Variants in HSH2D observed in about 807,000 individuals in gnomAD.
HSH2D encodes the protein hematopoietic SH2 domain-containing protein.
Under a neutral mutation model 21.5 loss-of-function variants are expected in HSH2D, and 16 were observed. That is an observed-to-expected ratio of 0.74 (90% confidence interval 0.50 to 1.13). The LOEUF (loss-of-function observed/expected upper bound fraction) is 1.13, where lower values mean the gene tolerates loss of function less well. Ranked by LOEUF, HSH2D falls within the 50% of genes most tolerant of loss-of-function variation. HSH2D has a pLI of 0.00. For synonymous variants in HSH2D, 172 were observed against 184.7 expected (o/e 0.93, Z 0.56); for missense variants, 418 against 441.4 (o/e 0.95, Z 0.47).
Position 16,157,878 on chromosome 19 carries a change from C to T in HSH2D, c.*84C>T. 4.9e-6 allele frequency: 5 copies of T among 1,017,444 alleles called. No individual in the cohort carries two copies. The South Asian group carries it at 8.3e-5, about 17-fold the overall frequency. The allele number at this position is 1,017,444 out of a possible 1,614,324, so 63.0% of individuals were successfully genotyped here. On this transcript the variant is annotated 3_prime_UTR_variant, in exon 6 of 6. Coordinates refer to ENST00000613986, the MANE Select transcript of HSH2D (RefSeq NM_001382417.1). The surrounding 1 kb of genome is among the most constrained non-coding windows in gnomAD (Gnocchi z 4.4). Reference sequence around the variant, plus strand: ...CCTTAACATTTCTTCCATGGCCCCACACCATGGCATCCGGGGGTCTTCGGG... The same window carrying T: ...CCTTAACATTTCTTCCATGGCCCCATACCATGGCATCCGGGGGTCTTCGGG...
At chr19:16,139,977 C>T (rs570247705), upstream of HSH2D, 1 of 152,250 alleles carries the variant, frequency 6.6e-6, no homozygotes, top group East Asian at 1.9e-4. Context: ...TGTGGGAGAC[C>T]ACATCACCCA....
At chr19:16,140,235 T>G (rs1022278428), upstream of HSH2D, among the ~76,000 whole-genome samples, 1 of 151,914 alleles carries the variant, frequency 6.6e-6, no homozygotes, top group African/African-American at 2.4e-5. Flanking sequence ...GCCAGGAGTT[T>G]GAGGCTGCAG....
chr19:16,141,299 G>T (rs55777622), upstream of HSH2D, among the ~76,000 whole-genome samples: 1,388 of 152,352 alleles, frequency 9.1e-3, 22 homozygotes, highest in African/African-American at 0.032. Flanking sequence ...GGGTGAGAGA[G>T]GCACCCAGGG....
intron 4 of HSH2D, 129 bp downstream of exon 4, chr19:16,153,337 C>T: frequency 2.2e-6 from 2 of 899,606 alleles, no homozygotes; most frequent in Admixed American, 6.2e-5. Flanking sequence ...CCCCTCCGGC[C>T]CCACCCCAGT....
chr19:16,138,219 C>G (rs761931471), intron 1 of HSH2D, among the ~76,000 whole-genome samples: 45 of 152,168 alleles, frequency 3.0e-4, no homozygotes, highest in Admixed American at 1.3e-4. Context: ...GCCTTTGTGT[C>G]TGGCTTCTCT....
intron 2 of HSH2D, among the ~76,000 whole-genome samples, chr19:16,150,088 TG>T (rs1281836260): frequency 1.3e-5 from 2 of 152,154 alleles, no homozygotes; most frequent in Non-Finnish European, 2.9e-5. Context: ...AGTTGCACAT[TG>T]CAATTTAAAA....
chr19:16,153,050 A>G lies in HSH2D; in HGVS notation c.223A>G (p.Ser75Gly). The G allele has an allele frequency of 6.2e-7, 1 of 1,610,068 alleles. No individual in the cohort carries two copies. Among genetic ancestry groups the G allele is most frequent in the Non-Finnish European group, 8.5e-7 (1 of 1,178,344 alleles). ...VGYTLSYKAQSSCCHFMVKLL... is the reference protein window; with the variant it reads ...VGYTLSYKAQGSCCHFMVKLL... The stretch of plus-strand genomic sequence containing the variant: ...CCCGCAGTGTCTCCGCAGAGCCCAA[A>G]GCAGCTGCTGCCATTTCATGGTGAA... Residue 75 changes from serine (S) to glycine (G), a missense_variant, in exon 4 of 6, where the codon AGC (serine) becomes GGC (glycine). Ser to Gly is a moderately conservative substitution (Grantham distance 56, BLOSUM62 0). Transcript: ENST00000613986.
At chr19:16,150,306 G>A (rs899783045) in intron 2 of HSH2D, among the ~76,000 whole-genome samples, 3 of 152,104 alleles carry the variant, frequency 2.0e-5, no homozygotes, top group East Asian at 1.9e-4. Context: ...TTGGGAGGCC[G>A]AGGCTGGCAG....
At position 16,157,953 on chromosome 19, in the gene HSH2D, C is replaced by T. The variant is rs1453848825; in HGVS notation, c.*159C>T. 1 of 584,982 alleles carries T rather than the reference C, an allele frequency of 1.7e-6. No homozygotes were observed. The allele number at this position is 584,982 out of a possible 1,614,324, so 36.2% of individuals were successfully genotyped here. A position where few individuals can be genotyped will look rare whatever the true frequency, so the allele number is the denominator to read the frequency against. On this transcript the variant is annotated 3_prime_UTR_variant, in exon 6 of 6. Transcript: ENST00000613986. This position sits in a 1 kb window ranked among gnomAD's most constrained non-coding sequence, Gnocchi z 4.4. Reference sequence around the variant, plus strand: ...TTTTTGGGGTCTGTTCCTGCACTCACCCATGGGGTGAGCTGGTTATTTTAG... The same window carrying T: ...TTTTTGGGGTCTGTTCCTGCACTCATCCATGGGGTGAGCTGGTTATTTTAG...
chr19:16,148,034 C>T (rs1226861005), intron 1 of HSH2D, among the ~76,000 whole-genome samples: 1 of 152,232 alleles, frequency 6.6e-6, no homozygotes, highest in Non-Finnish European at 1.5e-5. Flanking sequence ...CCACAGCTCA[C>T]TGCAGCCATA....
chr19:16,139,904 C>T (rs2090988772), upstream of HSH2D: 1 of 152,212 alleles, frequency 6.6e-6, no homozygotes, highest in Admixed American at 6.6e-5. Context: ...CGGGCCGAGG[C>T]CTGCGGACAC....
At chr19:16,154,523 A>T in intron 5 of HSH2D, 32 bp downstream of exon 5, 1 of 1,427,066 alleles carries the variant, frequency 7.0e-7, no homozygotes, top group Non-Finnish European at 9.6e-7. Flanking sequence ...GGCACCTCCC[A>T]CCTGGCTGAG....
In HSH2D at chr19:16,154,446, C is replaced by CGCAGTG. The variant is rs1400756128; in HGVS notation, c.432_437dup (p.Val145_Ala146dup). 1 of 1,552,658 alleles carries CGCAGTG rather than the reference C, an allele frequency of 6.4e-7. No individual in the cohort carries two copies. The highest frequency in any genetic ancestry group is 8.7e-7 in the Non-Finnish European group (1 of 1,147,802). The stretch of plus-strand genomic sequence containing the variant: ...ACGAGGATCTCTTCCTCTACTCCAA[C>CGCAGTG]GCAGTGGCCGAGGAAGCTGCCTGCC... On this transcript the variant is annotated inframe_insertion, in exon 5 of 6. Coordinates refer to ENST00000613986, the MANE Select transcript of HSH2D (RefSeq NM_001382417.1).
intron 1 of HSH2D, among the ~76,000 whole-genome samples, chr19:16,137,500 C>A (rs1025819074): frequency 3.3e-5 from 5 of 151,050 alleles, no homozygotes; most frequent in African/African-American, 1.2e-4. Flanking sequence ...TCACTTGAAC[C>A]AGGGAGGCGG....
intron 5 of HSH2D, chr19:16,154,718 G>A (rs768782103): frequency 4.4e-5 from 18 of 405,316 alleles, no homozygotes; most frequent in East Asian, 1.5e-4. Context: ...CTGCCATACC[G>A]TCTGTTGTTC....
chr19:16,148,826 C>T lies in HSH2D; in HGVS notation c.76C>T (p.Leu26=), dbSNP rs2091107935. 2 of 1,613,700 alleles carry T rather than the reference C, an allele frequency of 1.2e-6. No individual in the cohort carries two copies. The highest frequency in any genetic ancestry group is 2.2e-5 in the East Asian group (1 of 44,880). ...DWFVHTQMGQ[L]AQDGVPEWFH... ...GTTTGTGCACACCCAGATGGGCCAG[C>T]TGGCCCAAGACGGGGTCCCCGAGTG... Residue 26 remains leucine (L), a synonymous_variant, in exon 2 of 6, where the codon CTG becomes TTG. Coordinates refer to ENST00000613986, the MANE Select transcript of HSH2D (RefSeq NM_001382417.1).
intron 5 of HSH2D, among the ~76,000 whole-genome samples, chr19:16,156,439 C>T (rs1015206840): frequency 6.6e-6 from 1 of 152,086 alleles, no homozygotes; most frequent in Non-Finnish European, 1.5e-5. Context: ...CTGCCTCAGC[C>T]TTCCAAAGCA....
intron 1 of HSH2D, among the ~76,000 whole-genome samples, chr19:16,135,913 T>C (rs968852717): frequency 4.6e-5 from 7 of 152,188 alleles, no homozygotes; most frequent in African/African-American, 1.7e-4. Flanking sequence ...GACACGCAAA[T>C]GGCCTCTAGG....
At chr19:16,137,094 G>A (rs2090969005) in intron 1 of HSH2D, among the ~76,000 whole-genome samples, 1 of 152,132 alleles carries the variant, frequency 6.6e-6, no homozygotes, top group Admixed American at 6.6e-5. Context: ...CCCCAGATGA[G>A]GCCGTTTCAA....
Sources: gnomAD v4.1 joint callset for allele counts (sites outside exome capture counted in the v4.1 genomes callset) on GRCh38, gnomAD v4.1.1 for gene constraint, Gnocchi (gnomAD v3.1) non-coding constraint, MANE v1.5 for transcripts, NCBI Gene and HGNC (gene_info 2026-07-23, HGNC 2026-07-21) for gene names.